The following RABGAP1L variants were observed in gnomAD, a reference collection of about 807,000 sequenced individuals.
RABGAP1L encodes the protein rab GTPase-activating protein 1-like.
A neutral mutation model predicts 137.7 loss-of-function variants in RABGAP1L; 63 were observed. The observed-to-expected ratio is 0.46, with a 90% confidence interval of 0.37 to 0.56. The LOEUF (loss-of-function observed/expected upper bound fraction) is 0.56. Among genes scored for constraint, RABGAP1L ranks in the 20% least tolerant of loss-of-function variants. The pLI, the probability that RABGAP1L is intolerant of heterozygous loss-of-function variation, is 0.00. For synonymous variants in RABGAP1L, 431 were observed against 433.7 expected, an observed-to-expected ratio of 0.99 and a Z score of 0.08; for missense variants, 1,095 against 1,244.0, an observed-to-expected ratio of 0.88 and a Z score of 1.80.
chr1:174,611,865 A>G (rs182552863), intron 13 of RABGAP1L, among the ~76,000 whole-genome samples: 61 of 152,104 alleles, frequency 4.0e-4, no homozygotes, highest in Non-Finnish European at 7.4e-4. Context: ...TTTGTCTGTT[A>G]TTGGTGTTTA....
At chr1:174,741,520 A>C (rs1683406773) in intron 17 of RABGAP1L, among the ~76,000 whole-genome samples, 1 of 151,902 alleles carries the variant, frequency 6.6e-6, no homozygotes, top group Non-Finnish European at 1.5e-5. Flanking sequence ...TTGCTGCCAC[A>C]CCTGACTGGT....
intron 19 of RABGAP1L, among the ~76,000 whole-genome samples, chr1:174,945,031 G>C (rs1264042838): frequency 6.6e-6 from 1 of 152,194 alleles, no homozygotes; most frequent in African/African-American, 2.4e-5. Context: ...TGATAATGAA[G>C]TTAACACTTG....
chr1:174,179,544 GCACACACACACA>G (rs56839600), intron 1 of RABGAP1L, among the ~76,000 whole-genome samples: 7,428 of 147,238 alleles, frequency 0.05, 626 homozygotes, highest in African/African-American at 0.17. Flanking sequence ...CTTAGCACGT[GCACACACACACA>G]CACACACACA....
chr1:174,379,014 G>C lies in RABGAP1L; in HGVS notation c.1559+7942G>C, dbSNP rs1014004645. Among the ~76,000 whole-genome samples the C allele has an allele frequency of 2.3e-4, 31 of 135,196 alleles. 1 individual carries two copies. Among genetic ancestry groups the C allele is most frequent in the Admixed American group, 1.3e-3 (18 of 13,780 alleles). The allele number at this position is 135,196 out of a possible 152,430, so 88.7% of individuals were successfully genotyped here. A position where few individuals can be genotyped will look rare whatever the true frequency, so the allele number is the denominator to read the frequency against. ...TCAGCTTTCTACATATGGCTAGCGA[G>C]TTTTCCCAGCACCATTTATTAAATA... On this transcript the variant is annotated intron_variant, in intron 12 of 25. Transcript: ENST00000681986.
intron 18 of RABGAP1L, among the ~76,000 whole-genome samples, chr1:174,781,521 G>A (rs1361980731): frequency 1.3e-5 from 2 of 152,166 alleles, no homozygotes; most frequent in African/African-American, 4.8e-5. Context: ...TAGGTTGCCT[G>A]TTCACTCTGA....
At chr1:174,262,044 T>A (rs1673620131) in intron 7 of RABGAP1L, among the ~76,000 whole-genome samples, 1 of 152,254 alleles carries the variant, frequency 6.6e-6, no homozygotes, top group South Asian at 2.1e-4. Context: ...AGTAGAAGGA[T>A]AACTCTCTTT....
At chr1:174,880,264 C>T (rs995994955) in intron 19 of RABGAP1L, among the ~76,000 whole-genome samples, 6 of 152,150 alleles carry the variant, frequency 3.9e-5, no homozygotes, top group Non-Finnish European at 7.4e-5. Flanking sequence ...GGATAATCCA[C>T]GGTTGTAGAT....
At chr1:174,612,615 A>C (rs1220650656) in intron 13 of RABGAP1L, among the ~76,000 whole-genome samples, 5 of 152,146 alleles carry the variant, frequency 3.3e-5, no homozygotes, top group Admixed American at 2.0e-4. Context: ...TGATTGGAAT[A>C]GTTTCAGAAG....
At chr1:174,674,842 T>G (rs1244007526) in intron 14 of RABGAP1L, among the ~76,000 whole-genome samples, 2 of 152,264 alleles carry the variant, frequency 1.3e-5, no homozygotes, top group Non-Finnish European at 2.9e-5. Flanking sequence ...TGGCCAGTGA[T>G]GATGAGCATG....
intron 13 of RABGAP1L, among the ~76,000 whole-genome samples, chr1:174,425,126 G>T (rs770061496): frequency 6.6e-6 from 1 of 152,014 alleles, no homozygotes; most frequent in Non-Finnish European, 1.5e-5. Flanking sequence ...ATTGGAATTT[G>T]TTGTAGCATT....
intron 19 of RABGAP1L, among the ~76,000 whole-genome samples, chr1:174,891,293 C>T (rs1259461043): frequency 6.6e-6 from 1 of 151,922 alleles, no homozygotes; most frequent in Non-Finnish European, 1.5e-5. Flanking sequence ...GGGGGTAGGC[C>T]AGGAAATAGA....
intron 17 of RABGAP1L, among the ~76,000 whole-genome samples, chr1:174,744,894 T>G (rs1469942788): frequency 6.6e-6 from 1 of 152,226 alleles, no homozygotes; most frequent in Non-Finnish European, 1.5e-5. Context: ...ATGTAAGATG[T>G]TAATGTTTGG....
chr1:174,349,415 C>T (rs1449524332), intron 11 of RABGAP1L, among the ~76,000 whole-genome samples: 2 of 137,126 alleles, frequency 1.5e-5, no homozygotes, highest in Admixed American at 1.4e-4. Flanking sequence ...GGGCTGACCC[C>T]CCCACCTCCC....
intron 14 of RABGAP1L, among the ~76,000 whole-genome samples, chr1:174,672,766 A>G (rs896532654): frequency 6.6e-6 from 1 of 152,104 alleles, no homozygotes; most frequent in Admixed American, 6.6e-5. Context: ...GTGAATTTTT[A>G]AACGTTCCTC....
intron 1 of RABGAP1L, among the ~76,000 whole-genome samples, chr1:174,183,048 TATA>T (rs1558010419): frequency 6.6e-6 from 1 of 152,210 alleles, no homozygotes; most frequent in African/African-American, 2.4e-5. Context: ...AACACTGAGT[TATA>T]ATAGTTCCCT....
intron 13 of RABGAP1L, among the ~76,000 whole-genome samples, chr1:174,572,539 C>T (rs180788223): frequency 2.6e-5 from 4 of 152,120 alleles, no homozygotes; most frequent in Admixed American, 6.5e-5. Context: ...TGCACCACCA[C>T]GCCCAGCTAA....
At position 174,969,312 on chromosome 1, in the gene RABGAP1L, G is replaced by A. The variant is rs748340926; in HGVS notation, c.2469G>A (p.Arg823=). Reference sequence around the variant, plus strand: ...GAAGATTACAGGAGGCCAGCATGAGGTTGGAACAAGAGAATGATGACCTTG... The same window carrying A: ...GAAGATTACAGGAGGCCAGCATGAGATTGGAACAAGAGAATGATGACCTTG... ...ENRRLQEASM[R]LEQENDDLAH... The change falls in exon 21 of 26, where the codon AGG becomes AGA. Residue 823 remains arginine, a synonymous_variant. Coordinates refer to ENST00000681986, the MANE Select transcript of RABGAP1L (RefSeq NM_001366446.1). 3.9e-6 allele frequency: 6 copies of A among 1,550,892 alleles called. No homozygotes were observed. In the South Asian group the frequency reaches 7.1e-5, roughly 18 times the overall value.
At chr1:174,790,719 G>C (rs1466890180) in intron 18 of RABGAP1L, among the ~76,000 whole-genome samples, 2 of 151,852 alleles carry the variant, frequency 1.3e-5, no homozygotes, top group African/African-American at 4.8e-5. Context: ...CGGCAAAAAC[G>C]GTGCAGAGGC....
intron 15 of RABGAP1L, among the ~76,000 whole-genome samples, chr1:174,699,002 TA>T (rs201621816): frequency 6.7e-5 from 10 of 148,496 alleles, no homozygotes; most frequent in East Asian, 6.6e-4. Flanking sequence ...TATTTTATTT[TA>T]TTTTTTTTTT....
Sources: gnomAD v4.1 joint callset for allele counts (sites outside exome capture counted in the v4.1 genomes callset) on GRCh38, gnomAD v4.1.1 for gene constraint, MANE v1.5 for transcripts, NCBI Gene and HGNC (gene_info 2026-07-23, HGNC 2026-07-21) for gene names.